CSMD1: variants seen among roughly 807,000 people sequenced by gnomAD.
CSMD1 encodes the protein CUB and sushi domain-containing protein 1.
Under a neutral mutation model 417.5 loss-of-function variants are expected in CSMD1, and 213 were observed. The ratio of observed to expected loss-of-function variants is 0.51; its 90% confidence interval spans 0.46 to 0.57. CSMD1 has a LOEUF of 0.57. CSMD1 is among the 20% of genes least tolerant of loss of function. CSMD1 has a pLI of 0.00. For synonymous variants in CSMD1, 2,862 were observed against 1,736.8 expected (o/e 1.65, Z -16.11); for missense variants, 6,923 against 4,529.7 (o/e 1.53, Z -15.17).
At chr8:3,622,417 G>T (rs900063737) in intron 7 of CSMD1, among the ~76,000 whole-genome samples, 6 of 152,146 alleles carry the variant, frequency 3.9e-5, no homozygotes, top group African/African-American at 1.2e-4. Context: ...ACACACCAAG[G>T]CTTACAAAGG....
At chr8:3,708,885 A>G (rs1042743508) in intron 6 of CSMD1, among the ~76,000 whole-genome samples, 10 of 152,182 alleles carry the variant, frequency 6.6e-5, no homozygotes, top group African/African-American at 2.4e-4. Context: ...AATCATGAAA[A>G]AAAGTTTAGA....
chr8:3,318,187 C>CTATT (rs1196036448), intron 23 of CSMD1, among the ~76,000 whole-genome samples: 1 of 152,108 alleles, frequency 6.6e-6, no homozygotes, highest in East Asian at 1.9e-4. Flanking sequence ...TTGTAATATT[C>CTATT]TATTTTTATT....
chr8:3,871,152 A>G (rs1164123273), intron 5 of CSMD1, among the ~76,000 whole-genome samples: 1 of 152,094 alleles, frequency 6.6e-6, no homozygotes, highest in Non-Finnish European at 1.5e-5. Context: ...TACCTCACTC[A>G]TCATACTTTT....
chr8:4,942,546 T>A (rs1808078625), intron 1 of CSMD1, among the ~76,000 whole-genome samples: 1 of 152,224 alleles, frequency 6.6e-6, no homozygotes, highest in South Asian at 2.1e-4. Flanking sequence ...AATGTACAGA[T>A]TAGTAATTCT....
chr8:3,914,909 A>G (rs1329486605), intron 5 of CSMD1, among the ~76,000 whole-genome samples: 3 of 152,170 alleles, frequency 2.0e-5, no homozygotes, highest in East Asian at 1.9e-4. Context: ...GAATAACTCA[A>G]TAATTACTGA....
intron 5 of CSMD1, among the ~76,000 whole-genome samples, chr8:3,755,060 A>G (rs117034261): frequency 0.016 from 2,363 of 152,324 alleles, 30 homozygotes; most frequent in Non-Finnish European, 0.023. Flanking sequence ...TGTCAGAAAC[A>G]ATCATGTGTT....
intron 1 of CSMD1, among the ~76,000 whole-genome samples, chr8:4,663,375 G>A (rs1291235468): frequency 6.6e-6 from 1 of 152,102 alleles, no homozygotes; most frequent in Non-Finnish European, 1.5e-5. Flanking sequence ...TTCCTCTAAG[G>A]GACTCTTTGG....
At chr8:3,961,434 G>A (rs754092196) in intron 5 of CSMD1, among the ~76,000 whole-genome samples, 3 of 152,138 alleles carry the variant, frequency 2.0e-5, no homozygotes, top group East Asian at 1.9e-4. Context: ...TATTCCCACA[G>A]GTGATCTTTG....
chr8:4,469,666 C>A (rs896669149), intron 2 of CSMD1, among the ~76,000 whole-genome samples: 1 of 152,236 alleles, frequency 6.6e-6, no homozygotes, highest in African/African-American at 2.4e-5. Flanking sequence ...CGTCTGGAAA[C>A]AGGCCCAGGG....
intron 3 of CSMD1, among the ~76,000 whole-genome samples, chr8:4,351,726 A>C (rs1801104381): frequency 6.6e-6 from 1 of 152,140 alleles, no homozygotes; most frequent in African/African-American, 2.4e-5. Flanking sequence ...GGAAAAGAAA[A>C]AGGCCTTCTA....
Position 4,226,977 on chromosome 8 carries a change from C to G in CSMD1, c.415+192976G>C, listed in dbSNP as rs115142449. 4.1e-3 allele frequency among the ~76,000 whole-genome samples: 619 copies of G among 152,266 alleles called. 6 individuals are homozygous for G. Among genetic ancestry groups the G allele is most frequent in the African/African-American group, 0.014 (576 of 41,556 alleles). On this transcript the variant is annotated intron_variant, in intron 3 of 69. Transcript: ENST00000635120. ...AGTTTTACTTTAGTTTGGAGAAGCA[C>G]AGTTCTGAAAACTAAAGGGGGTAAA...
intron 41 of CSMD1, among the ~76,000 whole-genome samples, chr8:3,141,577 T>C (rs926834994): frequency 2.0e-5 from 3 of 152,042 alleles, no homozygotes; most frequent in African/African-American, 7.2e-5. Flanking sequence ...TGGGATCACA[T>C]CACTATTGTA....
chr8:4,214,323 G>A (rs146904440), intron 3 of CSMD1, among the ~76,000 whole-genome samples: 1 of 152,100 alleles, frequency 6.6e-6, no homozygotes, highest in Non-Finnish European at 1.5e-5. Flanking sequence ...TTTGAGAAAA[G>A]GTCTCACTCT....
chr8:3,180,840 C>A (rs1179110340), intron 37 of CSMD1, among the ~76,000 whole-genome samples: 1 of 151,854 alleles, frequency 6.6e-6, no homozygotes, highest in Non-Finnish European at 1.5e-5. Context: ...GACGGGGTTT[C>A]TCCGTGTTGG....
chr8:4,125,704 C>T (rs897263839), intron 3 of CSMD1, among the ~76,000 whole-genome samples: 1 of 152,114 alleles, frequency 6.6e-6, no homozygotes, highest in Non-Finnish European at 1.5e-5. Context: ...ATAGGCTGAA[C>T]TAAATTTGCG....
chr8:3,683,042 G>C (rs1311031130), intron 7 of CSMD1, among the ~76,000 whole-genome samples: 1 of 152,048 alleles, frequency 6.6e-6, no homozygotes, highest in African/African-American at 2.4e-5. Flanking sequence ...ACCAGGGACT[G>C]TTGTGGGGTG....
At chr8:4,580,718 C>G (rs1420655101) in intron 2 of CSMD1, among the ~76,000 whole-genome samples, 1 of 152,194 alleles carries the variant, frequency 6.6e-6, no homozygotes, top group Non-Finnish European at 1.5e-5. Flanking sequence ...GGAAGCCCTT[C>G]CTGATTAAAT....
At chr8:3,921,720 G>C (rs968971340) in intron 5 of CSMD1, among the ~76,000 whole-genome samples, 1 of 151,832 alleles carries the variant, frequency 6.6e-6, no homozygotes, top group African/African-American at 2.4e-5. Flanking sequence ...CCTGATTTTA[G>C]TTTCATAATA....
At chr8:3,562,965 G>A (rs149737525) in intron 10 of CSMD1, among the ~76,000 whole-genome samples, 4 of 151,772 alleles carry the variant, frequency 2.6e-5, no homozygotes, top group Non-Finnish European at 5.9e-5. Flanking sequence ...ATTTTTAATT[G>A]CATTCTATTA....
Sources: allele counts gnomAD v4.1 joint callset (sites outside exome capture counted in the v4.1 genomes callset), GRCh38; gene constraint gnomAD v4.1.1; transcripts MANE v1.5; gene names NCBI Gene and HGNC (gene_info 2026-07-23, HGNC 2026-07-21).